NCAM2: variants seen among roughly 807,000 people sequenced by gnomAD.
The protein encoded by NCAM2 is neural cell adhesion molecule 2, also known as N-CAM-2.
NCAM2 carries 30 observed loss-of-function variants against 98.1 expected under a neutral mutation model. The observed-to-expected ratio is 0.31, with a 90% confidence interval of 0.23 to 0.41. The LOEUF (loss-of-function observed/expected upper bound fraction) is 0.41. Among genes scored for constraint, NCAM2 ranks in the 10% least tolerant of loss-of-function variants. The probability of loss-of-function intolerance (pLI) is 1.00; values close to 1 mark genes in which losing one functional copy is unlikely to be tolerated. For synonymous variants in NCAM2, 368 were observed against 342.4 expected, an observed-to-expected ratio of 1.07 and a Z score of -0.83; for missense variants, 867 against 1,005.8, an observed-to-expected ratio of 0.86 and a Z score of 1.87.
rs138338698 is a variant in NCAM2 at position 21,396,845 on chromosome 21, C to T, written c.1196-13429C>T. On this transcript the variant is annotated intron_variant, in intron 9 of 17. Coordinates refer to ENST00000400546, the MANE Select transcript of NCAM2 (RefSeq NM_004540.5). ...CACGCCACAGCCCTGGCATGGGGAG[C>T]CCCAAGGTCTAGGCTCCCAGAAGGA... 1.6e-3 allele frequency among the ~76,000 whole-genome samples: 238 copies of T among 152,292 alleles called. 3 individuals are homozygous for T. Among genetic ancestry groups the T allele is most frequent in the South Asian group, 4.1e-3 (20 of 4,824 alleles).
At chr21:21,199,159 A>G (rs1422077320) in intron 1 of NCAM2, among the ~76,000 whole-genome samples, 1 of 152,208 alleles carries the variant, frequency 6.6e-6, no homozygotes, top group African/African-American at 2.4e-5. Flanking sequence ...CTCCACTTCT[A>G]AGGAACATCT....
chr21:21,090,200 G>A (rs539485590), intron 1 of NCAM2, among the ~76,000 whole-genome samples: 81 of 152,278 alleles, frequency 5.3e-4, no homozygotes, highest in African/African-American at 1.9e-3. Flanking sequence ...AGGTTAAGAA[G>A]CACTGCTTTT....
At chr21:21,380,529 C>A (rs1358409225) in intron 9 of NCAM2, among the ~76,000 whole-genome samples, 4 of 151,934 alleles carry the variant, frequency 2.6e-5, no homozygotes, top group Non-Finnish European at 4.4e-5. Flanking sequence ...GGCTGTGTTC[C>A]CTTGTGGAAG....
chr21:21,448,304 A>G (rs2146114394), intron 12 of NCAM2, among the ~76,000 whole-genome samples: 1 of 152,078 alleles, frequency 6.6e-6, no homozygotes, highest in African/African-American at 2.4e-5. Flanking sequence ...CAGAAAACCA[A>G]ACACCTCATT....
rs184983932 is a variant in NCAM2, at chr21:21,513,623, A to G, written c.2282+4568A>G. On this transcript the variant is annotated intron_variant, in intron 16 of 17. Transcript: ENST00000400546. ...TGTTTTGTGGCCTAACATACGATCT[A>G]TTCTTCAGAATGTTTCATGTGCTGA... Among the ~76,000 whole-genome samples, 509 of 152,226 alleles carry G rather than the reference A, an allele frequency of 3.3e-3. 4 individuals are homozygous for G. The highest frequency in any genetic ancestry group is 0.012 in the African/African-American group (486 of 41,552).
chr21:21,102,292 A>G (rs2066258959), intron 1 of NCAM2, among the ~76,000 whole-genome samples: 1 of 152,082 alleles, frequency 6.6e-6, no homozygotes, highest in Non-Finnish European at 1.5e-5. Context: ...AAATTGTAAA[A>G]AAAGTACAAT....
At chr21:21,322,535 A>G (rs933833029) in intron 5 of NCAM2, among the ~76,000 whole-genome samples, 3 of 152,184 alleles carry the variant, frequency 2.0e-5, no homozygotes, top group African/African-American at 4.8e-5. Flanking sequence ...TGAAAAATCT[A>G]TGTGTGCATT....
intron 1 of NCAM2, among the ~76,000 whole-genome samples, chr21:21,170,314 G>A (rs1476854287): frequency 6.6e-6 from 1 of 152,196 alleles, no homozygotes; most frequent in Admixed American, 6.5e-5. Flanking sequence ...AACATTTATA[G>A]TGACTTTATT....
intron 16 of NCAM2, among the ~76,000 whole-genome samples, chr21:21,524,038 CCACACA>C (rs35446366): frequency 1.3e-5 from 2 of 148,492 alleles, no homozygotes; most frequent in Admixed American, 6.7e-5. Context: ...CAGATATTGT[CCACACA>C]CACACACACA....
At chr21:21,206,056 C>T (rs1468692494) in intron 1 of NCAM2, among the ~76,000 whole-genome samples, 2 of 152,074 alleles carry the variant, frequency 1.3e-5, no homozygotes, top group Non-Finnish European at 2.9e-5. Flanking sequence ...GTACTCTTAG[C>T]AACTTATTCA....
intron 1 of NCAM2, among the ~76,000 whole-genome samples, chr21:21,043,850 C>CAAAAAA (rs72473034): frequency 1.7e-5 from 2 of 119,946 alleles, no homozygotes; most frequent in Non-Finnish European, 3.3e-5. Flanking sequence ...GAGACTCCGT[C>CAAAAAA]AAAAAAAAAA....
chr21:21,435,607 A>T (rs1978303510), intron 12 of NCAM2, among the ~76,000 whole-genome samples: 1 of 151,890 alleles, frequency 6.6e-6, no homozygotes, highest in African/African-American at 2.4e-5. Flanking sequence ...GAGGTGCCTG[A>T]CCTCTTCTCA....
Position 21,466,740 on chromosome 21 carries a change from C to G in NCAM2, c.1774+15C>G. The G allele has an allele frequency of 6.3e-7, 1 of 1,588,626 alleles. No homozygotes were observed. Among genetic ancestry groups the G allele is most frequent in the Non-Finnish European group, 8.6e-7 (1 of 1,168,614 alleles). On this transcript the variant is annotated intron_variant, in intron 13 of 17. Transcript: ENST00000400546. ...ATTACCAGTTCGTAAGTAATCATCTCTATTTTTTATTCTCTTTTGTCATTT... is the reference window on the plus strand; with the variant it reads ...ATTACCAGTTCGTAAGTAATCATCTGTATTTTTTATTCTCTTTTGTCATTT...
chr21:21,358,995 T>G (rs1221170770), intron 8 of NCAM2, among the ~76,000 whole-genome samples: 1 of 152,030 alleles, frequency 6.6e-6, no homozygotes. Flanking sequence ...CCAAGGTTAT[T>G]TGGATAATGT....
chr21:21,439,112 T>C (rs1252419851), intron 12 of NCAM2, among the ~76,000 whole-genome samples: 2 of 141,488 alleles, frequency 1.4e-5, no homozygotes, highest in Non-Finnish European at 3.0e-5. Flanking sequence ...TAAAAATAAG[T>C]AAGTACTTCC....
At chr21:21,306,550 C>A (rs1437540614) in intron 5 of NCAM2, among the ~76,000 whole-genome samples, 1 of 151,906 alleles carries the variant, frequency 6.6e-6, no homozygotes, top group African/African-American at 2.4e-5. Flanking sequence ...TTAATTTTAA[C>A]ATATTTTAAT....
intron 1 of NCAM2, among the ~76,000 whole-genome samples, chr21:21,279,192 C>T (rs2072837559): frequency 1.3e-5 from 2 of 152,172 alleles, no homozygotes; most frequent in South Asian, 4.1e-4. Context: ...AAATCCCAAA[C>T]ATGGGATATG....
chr21:21,421,107 G>T (rs2077101916), intron 11 of NCAM2, among the ~76,000 whole-genome samples: 1 of 151,672 alleles, frequency 6.6e-6, no homozygotes, highest in Non-Finnish European at 1.5e-5. Context: ...TTTCGATTAG[G>T]TACAACTTAA....
intron 1 of NCAM2, among the ~76,000 whole-genome samples, chr21:20,999,768 G>A (rs979521634): frequency 1.3e-5 from 2 of 152,086 alleles, no homozygotes; most frequent in African/African-American, 4.8e-5. Context: ...TCCAGCAGGG[G>A]GTGGTAGAAC....
Sources: gnomAD v4.1 joint callset for allele counts (sites outside exome capture counted in the v4.1 genomes callset) on GRCh38, gnomAD v4.1.1 for gene constraint, MANE v1.5 for transcripts, NCBI Gene and HGNC (gene_info 2026-07-23, HGNC 2026-07-21) for gene names.